Variants in TCERG1L observed in about 807,000 individuals in gnomAD.
The protein encoded by TCERG1L is transcription elongation regulator 1 like, also known as transcription elongation regulator 1-like protein.
TCERG1L carries 37 observed loss-of-function variants against 56.3 expected under a neutral mutation model. The observed-to-expected ratio is 0.66, with a 90% CI of 0.51 to 0.87. The LOEUF is 0.87. Among genes scored for constraint, TCERG1L ranks in the 40% least tolerant of loss-of-function variants. TCERG1L has a pLI of 0.00. For missense variants in TCERG1L, 799 were observed against 774.2 expected, an observed-to-expected ratio of 1.03 and a Z score of -0.38; for synonymous variants, 324 against 326.3, an observed-to-expected ratio of 0.99 and a Z score of 0.08.
chr10:131,297,815 A>G (rs1034592585), intron 3 of TCERG1L, among the ~76,000 whole-genome samples: 3 of 152,092 alleles, frequency 2.0e-5, no homozygotes, highest in African/African-American at 7.2e-5. Context: ...TTCTATTTCA[A>G]ATAACTTATT....
intron 8 of TCERG1L, among the ~76,000 whole-genome samples, chr10:131,133,427 G>A (rs921868799): frequency 6.6e-6 from 1 of 152,194 alleles, no homozygotes; most frequent in East Asian, 1.9e-4. Context: ...CATGAGCAGG[G>A]CTGATGCAGG....
intron 4 of TCERG1L, among the ~76,000 whole-genome samples, chr10:131,219,776 A>C (rs1845711512): frequency 2.0e-5 from 3 of 152,208 alleles, no homozygotes; most frequent in African/African-American, 7.2e-5. Flanking sequence ...CACGCTTGGC[A>C]ATTTAAACCA....
intron 4 of TCERG1L, among the ~76,000 whole-genome samples, chr10:131,171,722 C>T (rs1005883769): frequency 6.6e-6 from 1 of 152,148 alleles, no homozygotes; most frequent in Non-Finnish European, 1.5e-5. Flanking sequence ...AGGCATGCGC[C>T]ACCACACCTG....
At chr10:131,189,400 A>T (rs1845281739) in intron 4 of TCERG1L, among the ~76,000 whole-genome samples, 1 of 152,176 alleles carries the variant, frequency 6.6e-6, no homozygotes, top group South Asian at 2.1e-4. Context: ...CACATCATTT[A>T]GCTTCCACAT....
chr10:131,178,685 A>C (rs1589738638), intron 4 of TCERG1L, among the ~76,000 whole-genome samples: 1 of 152,180 alleles, frequency 6.6e-6, no homozygotes, highest in African/African-American at 2.4e-5. Context: ...CCCAGCAAGC[A>C]CTAAGTTCAG....
intron 4 of TCERG1L, among the ~76,000 whole-genome samples, chr10:131,252,614 C>T (rs977670713): frequency 6.6e-6 from 1 of 152,150 alleles, no homozygotes; most frequent in African/African-American, 2.4e-5. Flanking sequence ...TGCAGACCAG[C>T]CGTCTCCAAC....
intron 4 of TCERG1L, among the ~76,000 whole-genome samples, chr10:131,216,408 C>G (rs901218818): frequency 2.6e-5 from 4 of 152,128 alleles, no homozygotes; most frequent in Admixed American, 6.5e-5. Context: ...TACAGTGAGG[C>G]CTTCAGTTTG....
At chr10:131,202,606 G>A (rs1252293459) in intron 4 of TCERG1L, among the ~76,000 whole-genome samples, 5 of 152,086 alleles carry the variant, frequency 3.3e-5, no homozygotes, top group Non-Finnish European at 2.9e-5. Context: ...ATAAAAAACA[G>A]ATTTTTTCAA....
At chr10:131,159,196 A>T (rs1368125912) in intron 6 of TCERG1L, among the ~76,000 whole-genome samples, 1 of 152,184 alleles carries the variant, frequency 6.6e-6, no homozygotes, top group Non-Finnish European at 1.5e-5. Flanking sequence ...CAGGGCAAAC[A>T]GGCAAACCAC....
chr10:131,212,685 C>T (rs1330376963), intron 4 of TCERG1L, among the ~76,000 whole-genome samples: 1 of 152,192 alleles, frequency 6.6e-6, no homozygotes, highest in Non-Finnish European at 1.5e-5. Context: ...ATTCTCAATT[C>T]AACCTGAGAC....
intron 4 of TCERG1L, among the ~76,000 whole-genome samples, chr10:131,181,419 C>CA (rs1845174546): frequency 6.6e-6 from 1 of 152,230 alleles, no homozygotes; most frequent in African/African-American, 2.4e-5. Flanking sequence ...TTCCTAGCCA[C>CA]AAAGTTGGGG....
At position 131,121,791 on chromosome 10, in the gene TCERG1L, C is replaced by T. The variant is rs370569615; in HGVS notation, c.1260-4857G>A. 6.0e-4 allele frequency among the ~76,000 whole-genome samples: 91 copies of T among 152,320 alleles called. 1 individual carries two copies. The highest frequency in any genetic ancestry group is 5.6e-3 in the South Asian group (27 of 4,820). On this transcript the variant is annotated intron_variant, in intron 8 of 11. Coordinates refer to ENST00000368642, the MANE Select transcript of TCERG1L (RefSeq NM_174937.4). ...GGTCGCCCAGCTGCAGCCCTGCAGA[C>T]GGACAGTGCCACACACCCATGCTGG...
intron 4 of TCERG1L, among the ~76,000 whole-genome samples, chr10:131,205,814 T>A (rs535943289): frequency 3.6e-4 from 55 of 152,326 alleles, no homozygotes; most frequent in African/African-American, 1.3e-3. Context: ...AGATGTTTTA[T>A]GCAAAGGGTG....
intron 8 of TCERG1L, among the ~76,000 whole-genome samples, chr10:131,129,592 C>A (rs570229205): frequency 6.6e-6 from 1 of 152,202 alleles, no homozygotes; most frequent in South Asian, 2.1e-4. Context: ...TTTGTAGAGC[C>A]TTTTCAACCC....
intron 8 of TCERG1L, among the ~76,000 whole-genome samples, chr10:131,131,723 G>A (rs1016800919): frequency 2.6e-5 from 4 of 152,194 alleles, no homozygotes; most frequent in South Asian, 2.1e-4. Context: ...AGTAGATGCC[G>A]GTGTCCAAAA....
At position 131,309,133 on chromosome 10, in the gene TCERG1L, T is replaced by C. The variant is rs778937799; in HGVS notation, c.489+20A>G. 3.7e-6 allele frequency: 6 copies of C among 1,604,776 alleles called. No individual in the cohort carries two copies. The highest frequency in any genetic ancestry group is 5.1e-6 in the Non-Finnish European group (6 of 1,177,130). ...AATCATTAAAAGCCCCTTATCCAAT[T>C]AAATCACTTGCGTTTTTACCTTACA... On this transcript the variant is annotated intron_variant, in intron 2 of 11. Coordinates refer to ENST00000368642, the MANE Select transcript of TCERG1L (RefSeq NM_174937.4).
chr10:131,309,099 C>A lies in TCERG1L; in HGVS notation c.489+54G>T, dbSNP rs139545045. 520 of 1,567,142 alleles carry A rather than the reference C, an allele frequency of 3.3e-4. 3 individuals carry two copies. The African/African-American group carries it at 6.0e-3, about 18-fold the overall frequency. The stretch of plus-strand genomic sequence containing the variant: ...GTATTTTTGTTGTTATGTCGATGTT[C>A]GACAACTTAATCATTAAAAGCCCCT... On this transcript the variant is annotated intron_variant, in intron 2 of 11. Transcript: ENST00000368642.
At chr10:131,262,609 C>T (rs113871497) in intron 3 of TCERG1L, among the ~76,000 whole-genome samples, 1,997 of 152,258 alleles carry the variant, frequency 0.013, 55 homozygotes, top group African/African-American at 0.045. Flanking sequence ...TTGGCATCAG[C>T]GTGGTGGGTT....
At chr10:131,153,388 C>T (rs1845885049) in intron 6 of TCERG1L, among the ~76,000 whole-genome samples, 1 of 152,128 alleles carries the variant, frequency 6.6e-6, no homozygotes, top group Middle Eastern at 3.2e-3. Flanking sequence ...GGGCTGCTCA[C>T]CCTAAGCCCC....
Sources: gnomAD v4.1 joint callset for allele counts (sites outside exome capture counted in the v4.1 genomes callset) on GRCh38, gnomAD v4.1.1 for gene constraint, MANE v1.5 for transcripts, NCBI Gene and HGNC (gene_info 2026-07-23, HGNC 2026-07-21) for gene names.